PARD3B: variants seen among roughly 807,000 people sequenced by gnomAD.
PARD3B encodes the protein par-3 family cell polarity regulator beta.
Under a neutral mutation model 130.2 loss-of-function variants are expected in PARD3B, and 103 were observed. The ratio of observed to expected loss-of-function variants is 0.79; its 90% confidence interval spans 0.67 to 0.93. PARD3B has a LOEUF of 0.93. PARD3B is among the 40% of genes least tolerant of loss of function. The pLI is 0.00. For synonymous variants in PARD3B, 583 were observed against 553.2 expected (o/e 1.05, Z -0.76); for missense variants, 1,609 against 1,499.2 (o/e 1.07, Z -1.21).
chr2:204,762,711 A>AG (rs1189730008), intron 2 of PARD3B, among the ~76,000 whole-genome samples: 2 of 151,174 alleles, frequency 1.3e-5, no homozygotes, highest in African/African-American at 4.9e-5. Flanking sequence ...TGTGATGATT[A>AG]GGGGGACTTA....
chr2:204,894,413 A>C, intron 2 of PARD3B, among the ~76,000 whole-genome samples: 1 of 152,058 alleles, frequency 6.6e-6, no homozygotes, highest in East Asian at 1.9e-4. Context: ...TTAACAAAAC[A>C]TGAAAGATAT....
At chr2:205,117,999 A>T (rs2030093741) in intron 6 of PARD3B, among the ~76,000 whole-genome samples, 1 of 151,244 alleles carries the variant, frequency 6.6e-6, no homozygotes, top group Non-Finnish European at 1.5e-5. Flanking sequence ...CTTCTCTTCC[A>T]ACCCTCCTGA....
intron 18 of PARD3B, among the ~76,000 whole-genome samples, chr2:205,370,621 G>A (rs747131282): frequency 3.9e-5 from 6 of 152,176 alleles, no homozygotes; most frequent in Non-Finnish European, 8.8e-5. Context: ...AGTTCATTCT[G>A]TCCTCTTCCT....
chr2:204,636,247 G>A (rs980000686), intron 1 of PARD3B, among the ~76,000 whole-genome samples: 1 of 152,104 alleles, frequency 6.6e-6, no homozygotes, highest in African/African-American at 2.4e-5. Flanking sequence ...ACCCAGAGCT[G>A]TACCTCTGGG....
chr2:205,442,284 G>C (rs1376160504), intron 20 of PARD3B, among the ~76,000 whole-genome samples: 1 of 133,460 alleles, frequency 7.5e-6, no homozygotes, highest in Non-Finnish European at 1.6e-5. Flanking sequence ...CAAGGAACAG[G>C]TTTTCCTTTT....
Position 204,686,245 on chromosome 2 carries a change from A to G in PARD3B, c.185A>G (p.Asp62Gly), listed in dbSNP as rs774253857. The change falls in exon 2 of 23, where the codon GAT becomes GGT. Residue 62 changes from aspartate to glycine, a missense_variant. Asp to Gly is a moderately conservative substitution (Grantham distance 94). Transcript: ENST00000406610. Reference protein sequence around the residue: ...EYTDGGILDPDDVLADVVEDK... With the variant: ...EYTDGGILDPGDVLADVVEDK... The stretch of plus-strand genomic sequence containing the variant: ...ACAGATGGAGGAATCCTGGATCCAG[A>G]TGATGTCTTGGCAGATGTTGTTGAA... 6 of 1,612,684 alleles carry G rather than the reference A, an allele frequency of 3.7e-6. No homozygotes were observed. In the East Asian group the frequency reaches 1.3e-4, roughly 36 times the overall value.
rs2040960505 is a variant in PARD3B at position 205,276,627 on chromosome 2, G to A, written c.2186-23903G>A. 2.0e-5 allele frequency among the ~76,000 whole-genome samples: 3 copies of A among 152,162 alleles called. No individual in the cohort carries two copies. The highest frequency in any genetic ancestry group is 4.4e-5 in the Non-Finnish European group (3 of 68,034). On this transcript the variant is annotated intron_variant, in intron 16 of 22. Coordinates refer to ENST00000406610, the MANE Select transcript of PARD3B (RefSeq NM_001302769.2). The surrounding 1 kb of genome is among the most constrained non-coding windows in gnomAD (Gnocchi z 5.0). Reference sequence around the variant, plus strand: ...GGATATTTATTCCGGGGAAGTCAGAGAAGCTCCAAAGTGGCTTGCAGCGCT... The same window carrying A: ...GGATATTTATTCCGGGGAAGTCAGAAAAGCTCCAAAGTGGCTTGCAGCGCT...
chr2:205,402,088 C>T (rs1484946305), intron 19 of PARD3B, among the ~76,000 whole-genome samples: 1 of 152,098 alleles, frequency 6.6e-6, no homozygotes, highest in Non-Finnish European at 1.5e-5. Flanking sequence ...CTACTGTTAG[C>T]CTTTGACCCC....
Position 205,352,413 on chromosome 2 carries a change from A to C in PARD3B, c.2631-48600A>C, listed in dbSNP as rs2044028174. Among the ~76,000 whole-genome samples, 1 of 152,172 alleles carries C rather than the reference A, an allele frequency of 6.6e-6. No individual in the cohort carries two copies. Among genetic ancestry groups the C allele is most frequent in the Non-Finnish European group, 1.5e-5 (1 of 68,042 alleles). ...GTAACTAGTGACCTTGAAGGACTCA[A>C]TTTTTAAGATAATTAACTTCACAGT... On this transcript the variant is annotated intron_variant, in intron 18 of 22. Transcript: ENST00000406610. The surrounding 1 kb of genome is among the most constrained non-coding windows in gnomAD (Gnocchi z 5.2).
intron 2 of PARD3B, among the ~76,000 whole-genome samples, chr2:204,959,347 A>C (rs564232727): frequency 4.6e-5 from 7 of 152,280 alleles, no homozygotes; most frequent in African/African-American, 1.7e-4. Context: ...CATTGTGTAT[A>C]TGTGCCACAT....
chr2:205,286,479 C>G (rs2041401434), intron 16 of PARD3B, among the ~76,000 whole-genome samples: 1 of 152,142 alleles, frequency 6.6e-6, no homozygotes, highest in African/African-American at 2.4e-5. Context: ...TTCCAAGTCC[C>G]CACTGAACAT....
intron 2 of PARD3B, among the ~76,000 whole-genome samples, chr2:204,815,152 G>T (rs1215924735): frequency 6.6e-6 from 1 of 151,686 alleles, no homozygotes; most frequent in African/African-American, 2.4e-5. Flanking sequence ...AATTATTTAG[G>T]CCTGGTGTTT....
intron 16 of PARD3B, among the ~76,000 whole-genome samples, chr2:205,275,623 G>A (rs1921808): frequency 0.1 from 15,516 of 151,904 alleles, 998 homozygotes; most frequent in South Asian, 0.21. Flanking sequence ...ATCAGCTGAC[G>A]TCAGAAGTTC....
At chr2:204,558,587 G>C (rs1413071604) in intron 1 of PARD3B, among the ~76,000 whole-genome samples, 1 of 152,168 alleles carries the variant, frequency 6.6e-6, no homozygotes, top group East Asian at 1.9e-4. Flanking sequence ...TGGATAGGAA[G>C]AATCAATATC....
chr2:205,246,523 G>A (rs182632162), intron 16 of PARD3B, among the ~76,000 whole-genome samples: 3 of 152,200 alleles, frequency 2.0e-5, no homozygotes, highest in Non-Finnish European at 4.4e-5. Context: ...AAATAGTGGA[G>A]TAATCCCTTT....
At chr2:204,846,758 C>T (rs2044477659) in intron 2 of PARD3B, among the ~76,000 whole-genome samples, 1 of 151,252 alleles carries the variant, frequency 6.6e-6, no homozygotes, top group Non-Finnish European at 1.5e-5. Flanking sequence ...TGACACATTA[C>T]CTCCTTGTTG....
intron 14 of PARD3B, among the ~76,000 whole-genome samples, chr2:205,192,245 T>C (rs2125803597): frequency 6.6e-6 from 1 of 152,338 alleles, no homozygotes; most frequent in East Asian, 1.9e-4. Context: ...TTATTTTTGC[T>C]ATTGTTTTGT....
chr2:205,559,454 A>T (rs2053044041), intron 22 of PARD3B, among the ~76,000 whole-genome samples: 1 of 151,770 alleles, frequency 6.6e-6, no homozygotes, highest in Non-Finnish European at 1.5e-5. Context: ...CCAAGAATAG[A>T]TTTTCTTTAT....
intron 10 of PARD3B, among the ~76,000 whole-genome samples, chr2:205,129,123 T>G (rs1395301844): frequency 6.6e-6 from 1 of 152,138 alleles, no homozygotes; most frequent in Non-Finnish European, 1.5e-5. Context: ...AGCAAATATC[T>G]AGACTCTCAA....
Sources: allele counts gnomAD v4.1 joint callset (sites outside exome capture counted in the v4.1 genomes callset), GRCh38; gene constraint gnomAD v4.1.1; non-coding constraint Gnocchi (gnomAD v3.1); transcripts MANE v1.5; gene names NCBI Gene and HGNC (gene_info 2026-07-23, HGNC 2026-07-21).